The following RAB37 variants were observed in gnomAD, a reference collection of about 807,000 sequenced individuals.
The protein encoded by RAB37 is RAB37, member RAS oncogene family.
RAB37 carries 29 observed loss-of-function variants against 33.1 expected under a neutral mutation model. The observed-to-expected ratio is 0.88, with a 90% CI of 0.65 to 1.20. RAB37 has a LOEUF of 1.20. RAB37 is among the 50% of genes most tolerant of loss of function. RAB37 has a pLI of 0.00. For missense variants in RAB37, 299 were observed against 301.1 expected (o/e 0.99, Z 0.05); for synonymous variants, 128 against 119.5 (o/e 1.07, Z -0.47).
intron 2 of RAB37, among the ~76,000 whole-genome samples, chr17:74,731,307 G>A: frequency 6.6e-6 from 1 of 152,226 alleles, no homozygotes; most frequent in East Asian, 1.9e-4. Context: ...AAGGGAGGCA[G>A]GTGCTGCCAC....
intron 1 of RAB37, chr17:74,704,776 C>T (rs1163200152): frequency 4.3e-6 from 7 of 1,613,984 alleles, no homozygotes; most frequent in Non-Finnish European, 5.9e-6. Context: ...CCAAGCCATT[C>T]ACTGTTGTTG....
intron 1 of RAB37, among the ~76,000 whole-genome samples, chr17:74,683,497 C>T (rs1473140058): frequency 2.0e-5 from 3 of 152,202 alleles, no homozygotes; most frequent in Non-Finnish European, 4.4e-5. Flanking sequence ...CCAAACAAGG[C>T]CAACTTTATG....
At chr17:74,694,383 A>G (rs2032241239) in intron 1 of RAB37, 1 of 152,180 alleles carries the variant, frequency 6.6e-6, no homozygotes, top group Admixed American at 6.5e-5. Context: ...ATCAGTTTCA[A>G]TGGGCTCAAG....
At chr17:74,725,664 C>A (rs2034297282) in intron 1 of RAB37, among the ~76,000 whole-genome samples, 1 of 151,678 alleles carries the variant, frequency 6.6e-6, no homozygotes, top group South Asian at 2.1e-4. Flanking sequence ...TGCTCTGTCA[C>A]CCAGGCTAGA....
chr17:74,714,029 G>A (rs1309358106), intron 1 of RAB37, among the ~76,000 whole-genome samples: 2 of 151,400 alleles, frequency 1.3e-5, no homozygotes, highest in Non-Finnish European at 1.5e-5. Flanking sequence ...GGCCAAAATG[G>A]TGAAACCCCA....
At chr17:74,704,401 A>T in intron 1 of RAB37, 3 of 1,046,756 alleles carry the variant, frequency 2.9e-6, no homozygotes, top group Non-Finnish European at 2.8e-6. Flanking sequence ...GTGACAATTA[A>T]ATCACTTGAG....
intron 1 of RAB37, among the ~76,000 whole-genome samples, chr17:74,681,976 G>C (rs1283163457): frequency 1.3e-5 from 2 of 152,210 alleles, no homozygotes; most frequent in Non-Finnish European, 2.9e-5. Context: ...AGAGAACTGG[G>C]CTTTGAGTAC....
chr17:74,682,468 T>G (rs1241105692), intron 1 of RAB37, among the ~76,000 whole-genome samples: 1 of 152,104 alleles, frequency 6.6e-6, no homozygotes, highest in Non-Finnish European at 1.5e-5. Context: ...GACCCAATAC[T>G]CACTGGAGAC....
chr17:74,721,127 T>C (rs1357577813), intron 1 of RAB37, among the ~76,000 whole-genome samples: 1 of 152,148 alleles, frequency 6.6e-6, no homozygotes, highest in Non-Finnish European at 1.5e-5. Flanking sequence ...GCTGGGGACA[T>C]GGTGGGCCAG....
chr17:74,703,696 T>G (rs927341262), intron 1 of RAB37, among the ~76,000 whole-genome samples: 2 of 152,174 alleles, frequency 1.3e-5, no homozygotes, highest in East Asian at 3.9e-4. Context: ...AACTAGAATA[T>G]GCCCCAGAGG....
intron 1 of RAB37, among the ~76,000 whole-genome samples, chr17:74,728,751 T>C (rs2034342416): frequency 6.6e-6 from 1 of 152,126 alleles, no homozygotes; most frequent in South Asian, 2.1e-4. Context: ...TTTTTCTGTG[T>C]CTGTATGTGT....
chr17:74,699,539 CAG>C (rs1277351916), intron 1 of RAB37, among the ~76,000 whole-genome samples: 1 of 152,072 alleles, frequency 6.6e-6, no homozygotes, highest in Non-Finnish European at 1.5e-5. Context: ...CATGAGACGA[CAG>C]AGACAGGGAT....
At chr17:74,737,210 T>TGGGTTGGTGGGGGGGGGGGGGGGGG, upstream of RAB37, 1 of 532,620 alleles carries the variant, frequency 1.9e-6, no homozygotes, top group Non-Finnish European at 3.1e-6. Flanking sequence ...GGGGCGGGGG[T>TGGGTTGGTGGGGGGGGGGGGGGGGG]GGGGCCGTTC....
intron 1 of RAB37, among the ~76,000 whole-genome samples, chr17:74,717,547 G>A (rs946483038): frequency 6.6e-6 from 1 of 152,112 alleles, no homozygotes. Context: ...GGTGGCTCAT[G>A]CCTGTAACCC....
chr17:74,702,932 G>C, intron 1 of RAB37: 1 of 942,672 alleles, frequency 1.1e-6, no homozygotes, highest in Non-Finnish European at 1.7e-6. Flanking sequence ...CAAGGAGCAT[G>C]CAGGTCCCAG....
At chr17:74,684,829 C>G (rs1009810006) in intron 1 of RAB37, among the ~76,000 whole-genome samples, 4 of 150,232 alleles carry the variant, frequency 2.7e-5, no homozygotes, top group African/African-American at 9.8e-5. Flanking sequence ...AAAATACATG[C>G]ATGTGTTTAT....
At chr17:74,724,673 T>C (rs1192736739) in intron 1 of RAB37, among the ~76,000 whole-genome samples, 1 of 152,148 alleles carries the variant, frequency 6.6e-6, no homozygotes, top group East Asian at 1.9e-4. Flanking sequence ...GGAGCAATGT[T>C]TTGCGGGCAG....
At chr17:74,712,843 C>T in intron 1 of RAB37, 1 of 1,614,052 alleles carries the variant, frequency 6.2e-7, no homozygotes, top group Non-Finnish European at 8.5e-7. Context: ...AGAAGAGGAG[C>T]AGGTAGAGTG....
At position 74,704,499 on chromosome 17, in the gene RAB37, C is replaced by T. The variant is rs766247582; in HGVS notation, c.73-24757C>T. 6 of 1,612,944 alleles carry T rather than the reference C, an allele frequency of 3.7e-6. No individual in the cohort carries two copies. The South Asian group carries it at 6.6e-5, about 18-fold the overall frequency. On this transcript the variant is annotated intron_variant, in intron 1 of 7. Coordinates refer to the RAB37 transcript ENST00000340415. ...TTACCTGGGTCAATGGTCACTTGAA[C>T]TGTGACCCCAAGGTCATTTCCAGTT...
Sources: allele counts gnomAD v4.1 joint callset (sites outside exome capture counted in the v4.1 genomes callset), GRCh38; gene constraint gnomAD v4.1.1; transcripts MANE v1.5; gene names NCBI Gene and HGNC (gene_info 2026-07-23, HGNC 2026-07-21).